ZZEF1: variants seen among roughly 807,000 people sequenced by gnomAD.
The protein encoded by ZZEF1 is zinc finger ZZ-type and EF-hand domain containing 1, also known as zinc finger ZZ-type and EF-hand domain-containing protein 1.
A neutral mutation model predicts 342.8 loss-of-function variants in ZZEF1; 157 were observed. The observed-to-expected ratio is 0.46, with a 90% confidence interval of 0.40 to 0.52. The LOEUF is 0.52. ZZEF1 is among the 20% of genes least tolerant of loss of function. ZZEF1 has a pLI of 0.00. For missense variants in ZZEF1, 3,480 were observed against 3,725.6 expected (o/e 0.93, Z 1.72); for synonymous variants, 1,505 against 1,429.1 (o/e 1.05, Z -1.20).
At chr17:4,044,743 T>C (rs1391635767) in intron 37 of ZZEF1, among the ~76,000 whole-genome samples, 2 of 152,042 alleles carry the variant, frequency 1.3e-5, no homozygotes, top group African/African-American at 4.8e-5. Flanking sequence ...GGTTTCGATC[T>C]CTTGACCTCG....
chr17:4,080,330 TG>T (rs2057699074), intron 18 of ZZEF1, among the ~76,000 whole-genome samples: 93 of 43,412 alleles, frequency 2.1e-3, no homozygotes, highest in South Asian at 0.021. Flanking sequence ...ATTTTTTTTT[TG>T]TTTTTTGTTT....
Position 4,019,740 on chromosome 17 carries a change from C to G in ZZEF1, c.7434G>C (p.Leu2478=), listed in dbSNP as rs1324282564. The change falls in exon 46 of 55, where the codon CTG becomes CTC. Residue 2478 remains leucine (L), a synonymous_variant. Transcript: ENST00000381638. ...LMAHDALNAP[L]HILRAIYELQ... is the part of the protein sequence containing the mutation. ...GTTCGTATATGGCCCGGAGAATGTG[C>G]AGAGGGGCATTGAGGGCATCATGAG... is the stretch of plus-strand genomic sequence containing the variant. The G allele has an allele frequency of 3.1e-6, 5 of 1,611,658 alleles. No individual in the cohort carries two copies. Among genetic ancestry groups the G allele is most frequent in the African/African-American group, 1.3e-5 (1 of 74,828 alleles).
chr17:4,060,239 T>C (rs1412791121), intron 30 of ZZEF1, among the ~76,000 whole-genome samples: 2 of 152,212 alleles, frequency 1.3e-5, no homozygotes, highest in African/African-American at 2.4e-5. Flanking sequence ...GGCAATTCAG[T>C]AGACTGGCTT....
chr17:4,117,648 CA>C lies in ZZEF1; in HGVS notation c.500-483del, dbSNP rs61155656. 5.7e-3 allele frequency among the ~76,000 whole-genome samples: 503 copies of C among 88,924 alleles called. 2 individuals are homozygous for C. Among genetic ancestry groups the C allele is most frequent in the Middle Eastern group, 0.014 (2 of 146 alleles). 58.3% of individuals were successfully genotyped at this position (88,924 alleles called of 152,430 possible). On this transcript the variant is annotated intron_variant, in intron 2 of 54. Transcript: ENST00000381638. ...GGGCAACAACAGTGAAACTCCACCT[CA>C]AAAAAAAAAAAAAAAAAAAGAATTA... is the stretch of plus-strand genomic sequence containing the variant.
chr17:4,024,502 G>A (rs1390524593), intron 43 of ZZEF1, among the ~76,000 whole-genome samples: 1 of 151,934 alleles, frequency 6.6e-6, no homozygotes, highest in Non-Finnish European at 1.5e-5. Context: ...CCTGGCCATC[G>A]CCCAGCTTTT....
rs968741281 is a variant in ZZEF1 at position 4,031,269 on chromosome 17, T to A, written c.6892+857A>T. ...AGGCGGAGGTTGCAGTGAGCTGAGATCGTGTCACCGCACTCCAGCCTGGGC... is the reference window on the plus strand; with the variant it reads ...AGGCGGAGGTTGCAGTGAGCTGAGAACGTGTCACCGCACTCCAGCCTGGGC... On this transcript the variant is annotated intron_variant, in intron 42 of 54. Transcript: ENST00000381638. Among the ~76,000 whole-genome samples the A allele has an allele frequency of 2.6e-5, 4 of 151,628 alleles. No individual in the cohort carries two copies. In the East Asian group the frequency reaches 7.7e-4, roughly 29 times the overall value.
intron 1 of ZZEF1, among the ~76,000 whole-genome samples, chr17:4,135,263 C>T (rs1005755906): frequency 2.3e-4 from 35 of 152,266 alleles, no homozygotes; most frequent in Non-Finnish European, 4.7e-4. Context: ...ATTGCTTGAG[C>T]CCAGGAGCTC....
intron 40 of ZZEF1, 115 bp downstream of exon 40, chr17:4,033,900 G>C (rs2056603632): frequency 7.2e-7 from 1 of 1,384,758 alleles, no homozygotes; most frequent in Admixed American, 2.1e-5. Flanking sequence ...AAAACTCTCA[G>C]ACAACACAAC....
chr17:4,064,199 GA>G (rs35217401), intron 29 of ZZEF1, among the ~76,000 whole-genome samples, 161 bp downstream of exon 29: 18,823 of 138,960 alleles, frequency 0.14, 1,612 homozygotes, highest in African/African-American at 0.25. Flanking sequence ...CTTCTTTAAA[GA>G]AAAAAAAAAA....
chr17:4,046,214 T>G (rs889069804), intron 37 of ZZEF1, among the ~76,000 whole-genome samples: 4 of 152,198 alleles, frequency 2.6e-5, no homozygotes, highest in African/African-American at 7.2e-5. Flanking sequence ...AGGGGCCCTT[T>G]CTGGAGGTGG....
At position 4,054,102 on chromosome 17, in the gene ZZEF1, A is replaced by G; in HGVS notation, c.5389T>C (p.Cys1797Arg). 1 of 1,613,942 alleles carries G rather than the reference A, an allele frequency of 6.2e-7. No homozygotes were observed. The highest frequency in any genetic ancestry group is 8.5e-7 in the Non-Finnish European group (1 of 1,179,906). The change falls in exon 34 of 55, where the codon TGT becomes CGT. Residue 1797 changes from cysteine (C) to arginine (R), a missense_variant. Transcript: ENST00000381638. ...DEIAPWHRYRCLQCSDMDLCK... is the reference protein window; with the variant it reads ...DEIAPWHRYRRLQCSDMDLCK... ...AGATCCATGTCGCTGCACTGCAGAC[A>G]GCGGTATCGATGCCAGGGGGCAATC...
At chr17:4,029,153 T>C (rs1439520402) in intron 42 of ZZEF1, among the ~76,000 whole-genome samples, 1 of 152,164 alleles carries the variant, frequency 6.6e-6, no homozygotes, top group Non-Finnish European at 1.5e-5. Context: ...AACAACATAG[T>C]GCACATGCAT....
chr17:4,010,942 A>C (rs560137159), intron 52 of ZZEF1, among the ~76,000 whole-genome samples: 2 of 152,172 alleles, frequency 1.3e-5, no homozygotes, highest in Non-Finnish European at 2.9e-5. Flanking sequence ...AGAACACTTA[A>C]GACAAGCGTG....
chr17:4,013,317 A>T, intron 52 of ZZEF1, 132 bp downstream of exon 52: 1 of 890,888 alleles, frequency 1.1e-6, no homozygotes, highest in Non-Finnish European at 1.6e-6. Context: ...AAAGCAAATG[A>T]CTGAAAAACT....
chr17:4,031,705 A>G (rs983890927), intron 42 of ZZEF1, among the ~76,000 whole-genome samples: 10 of 152,234 alleles, frequency 6.6e-5, no homozygotes, highest in African/African-American at 2.2e-4. Flanking sequence ...TTGTGATATA[A>G]TACTTTCAAT....
At chr17:4,077,604 G>GT (rs1597857711) in intron 19 of ZZEF1, among the ~76,000 whole-genome samples, 2 of 152,180 alleles carry the variant, frequency 1.3e-5, no homozygotes, top group African/African-American at 2.4e-5. Flanking sequence ...GAGACATCAC[G>GT]TAAGAGTGCT....
intron 16 of ZZEF1, among the ~76,000 whole-genome samples, chr17:4,083,467 A>T (rs2057761845): frequency 6.6e-6 from 1 of 152,092 alleles, no homozygotes; most frequent in Non-Finnish European, 1.5e-5. Context: ...ATATAGCTGG[A>T]ATTACACAAA....
At chr17:4,086,000 A>C (rs1460151150) in intron 15 of ZZEF1, among the ~76,000 whole-genome samples, 197 bp from the exon 16 acceptor site, 1 of 152,238 alleles carries the variant, frequency 6.6e-6, no homozygotes, top group East Asian at 1.9e-4. Flanking sequence ...GACCGTATGT[A>C]TCAGTTTTTA....
intron 37 of ZZEF1, among the ~76,000 whole-genome samples, chr17:4,046,403 A>G (rs2056913514): frequency 6.6e-6 from 1 of 152,162 alleles, no homozygotes; most frequent in Non-Finnish European, 1.5e-5. Flanking sequence ...CTGTGGCTAC[A>G]TGGGAAGTGT....
Sources: allele counts gnomAD v4.1 joint callset (sites outside exome capture counted in the v4.1 genomes callset), GRCh38; gene constraint gnomAD v4.1.1; transcripts MANE v1.5; gene names NCBI Gene and HGNC (gene_info 2026-07-23, HGNC 2026-07-21).